Variants in SIAE observed in about 807,000 individuals in gnomAD.
SIAE encodes sialate O-acetylesterase.
A neutral mutation model predicts 52.6 loss-of-function variants in SIAE; 39 were observed. That is an observed-to-expected ratio of 0.74 (90% CI 0.57 to 0.97). SIAE has a LOEUF of 0.97. Ranked by LOEUF, SIAE falls within the 50% of genes least tolerant of loss-of-function variation. The pLI, the probability that SIAE is intolerant of heterozygous loss-of-function variation, is 0.00. For missense variants in SIAE, 592 were observed against 662.1 expected (o/e 0.89, Z 1.16); for synonymous variants, 233 against 241.4 (o/e 0.97, Z 0.32).
At chr11:124,656,033 T>C (rs1461898999) in intron 3 of SIAE, among the ~76,000 whole-genome samples, 2 of 152,182 alleles carry the variant, frequency 1.3e-5, no homozygotes, top group African/African-American at 4.8e-5. Flanking sequence ...CAAAATTACC[T>C]TCAGGCTATG....
chr11:124,673,984 C>G (rs1943420509), upstream of SIAE: 2 of 528,580 alleles, frequency 3.8e-6, no homozygotes, highest in Admixed American at 3.2e-5. Flanking sequence ...CTCTCCGATA[C>G]CAAGACCTAG....
At chr11:124,638,458 T>C (rs1942787397) in intron 9 of SIAE, 84 bp downstream of exon 9, 1 of 1,457,152 alleles carries the variant, frequency 6.9e-7, no homozygotes, top group Admixed American at 1.7e-5. Flanking sequence ...CACATCGTAA[T>C]AACAAAAGAG....
intron 7 of SIAE, among the ~76,000 whole-genome samples, chr11:124,644,600 C>T (rs1565409862): frequency 6.6e-6 from 1 of 152,192 alleles, no homozygotes; most frequent in East Asian, 1.9e-4. Flanking sequence ...CCCACAGTGG[C>T]TGGTAGAAAT....
chr11:124,660,714 T>C lies in SIAE; in HGVS notation c.319A>G (p.Asn107Asp). 2 of 1,614,200 alleles carry C rather than the reference T, an allele frequency of 1.2e-6. No individual in the cohort carries two copies. Among genetic ancestry groups the C allele is most frequent in the Non-Finnish European group, 1.7e-6 (2 of 1,180,036 alleles). ...ACGTCATGAACTCTCAGGGTGAAGT[T>C]TATTTTCTCCAAAGTCTGTTGTGCC... The part of the protein sequence containing the change: ...VMAQQTLEKI[N>D]FTLRVHDVLF... The change falls in exon 3 of 10, where the codon AAC becomes GAC. Residue 107 changes from asparagine to aspartate, a missense_variant. Transcript: ENST00000263593.
rs140868248 is a variant in SIAE at position 124,662,750 on chromosome 11, A to G, written c.230-1947T>C. On this transcript the variant is annotated intron_variant, in intron 2 of 9. Transcript: ENST00000263593. ...TTCCCAAGAACTGCCTCCCAGAGAAACCTCCTTCCAACTTCCTCAAAGACC... is the reference window on the plus strand; with the variant it reads ...TTCCCAAGAACTGCCTCCCAGAGAAGCCTCCTTCCAACTTCCTCAAAGACC... 4.8e-3 allele frequency among the ~76,000 whole-genome samples: 737 copies of G among 152,204 alleles called. 15 individuals carry two copies. Among genetic ancestry groups the G allele is most frequent in the Admixed American group, 0.041 (626 of 15,282 alleles).
rs568788636 is a variant in SIAE at position 124,644,595 on chromosome 11, A to G, written c.966+2770T>C. Among the ~76,000 whole-genome samples the G allele has an allele frequency of 5.3e-5, 8 of 152,332 alleles. No homozygotes were observed. The East Asian group carries it at 1.5e-3, about 29-fold the overall frequency. The stretch of plus-strand genomic sequence containing the variant: ...AGTGGGGCGCTAATCCGTCTCCCAC[A>G]GTGGCTGGTAGAAATACTGCGGCTA... On this transcript the variant is annotated intron_variant, in intron 7 of 9. Transcript: ENST00000263593.
In SIAE at chr11:124,634,323, A is replaced by T. The variant is rs1404687502; in HGVS notation, c.*2628T>A. On this transcript the variant is annotated 3_prime_UTR_variant, in exon 10 of 10. Coordinates refer to ENST00000263593, the MANE Select transcript of SIAE (RefSeq NM_170601.5). ...GCACTCCAGCCTGGGCAACAGAGCA[A>T]AACTCCAACTCAAAAACAAAAACAA... The T allele has an allele frequency of 1.3e-5, 2 of 152,252 alleles. No homozygotes were observed. Among genetic ancestry groups the T allele is most frequent in the Non-Finnish European group, 1.5e-5 (1 of 68,058 alleles). The allele number at this position is 152,252 out of a possible 1,614,324, so 9.4% of individuals were successfully genotyped here.
chr11:124,653,099 T>C (rs1256170383), intron 4 of SIAE, among the ~76,000 whole-genome samples: 1 of 152,214 alleles, frequency 6.6e-6, no homozygotes, highest in African/African-American at 2.4e-5. Context: ...ATTCAGTTCC[T>C]GAGCTCTTTT....
At chr11:124,675,134 CA>C (rs1436363422), upstream of SIAE, 7 of 1,181,804 alleles carry the variant, frequency 5.9e-6, no homozygotes, top group African/African-American at 1.5e-5. Context: ...AAAAAGAATT[CA>C]AGTCCAGATG....
intron 2 of SIAE, among the ~76,000 whole-genome samples, chr11:124,668,712 G>A (rs1943305909): frequency 6.6e-6 from 1 of 152,180 alleles, no homozygotes; most frequent in South Asian, 2.1e-4. Context: ...ATAAATGACA[G>A]AATCAGGGCC....
upstream of SIAE, chr11:124,675,539 T>A (rs1943451544): frequency 9.5e-7 from 1 of 1,048,852 alleles, no homozygotes; most frequent in South Asian, 1.7e-5. Context: ...GAGTTTCAGA[T>A]AACAGTTCTT....
At chr11:124,642,678 C>A in intron 7 of SIAE, among the ~76,000 whole-genome samples, 1 of 152,118 alleles carries the variant, frequency 6.6e-6, no homozygotes, top group Non-Finnish European at 1.5e-5. Context: ...TGATTCTAAC[C>A]AATAGGCTAT....
chr11:124,641,959 CAAAAAAAAA>C (rs11327177), intron 7 of SIAE, among the ~76,000 whole-genome samples: 1 of 39,218 alleles, frequency 2.5e-5, no homozygotes, highest in Admixed American at 2.5e-4. Flanking sequence ...GACTCCATCT[CAAAAAAAAA>C]AAAAAAAAAA....
intron 7 of SIAE, among the ~76,000 whole-genome samples, chr11:124,646,872 A>G (rs1942942976): frequency 6.6e-6 from 1 of 152,260 alleles, no homozygotes; most frequent in Non-Finnish European, 1.5e-5. Flanking sequence ...CAATGTAACC[A>G]TATTTCAGGC....
rs944764918 is a variant in SIAE, at chr11:124,645,312, T to A, written c.966+2053A>T. 6.6e-6 allele frequency among the ~76,000 whole-genome samples: 1 copy of A among 152,088 alleles called. No individual in the cohort carries two copies. The highest frequency in any genetic ancestry group is 1.5e-5 in the Non-Finnish European group (1 of 68,022). ...ACAAGAATCAGGTCTTTCTGATTGCTATATTTCTTTTTTTTTTTTGAGACG... is the reference window on the plus strand; with the variant it reads ...ACAAGAATCAGGTCTTTCTGATTGCAATATTTCTTTTTTTTTTTTGAGACG... On this transcript the variant is annotated intron_variant, in intron 7 of 9. Coordinates refer to ENST00000263593, the MANE Select transcript of SIAE (RefSeq NM_170601.5). This position sits in a 1 kb window ranked among gnomAD's most constrained non-coding sequence, Gnocchi z 4.7.
At chr11:124,675,408 G>C (rs751097290), upstream of SIAE, 1 of 1,608,532 alleles carries the variant, frequency 6.2e-7, no homozygotes, top group Non-Finnish European at 8.5e-7. Flanking sequence ...GCCTTCTAGA[G>C]AAAAGAGAGA....
At chr11:124,639,598 C>T (rs1275021074) in intron 8 of SIAE, 112 bp downstream of exon 8, 11 of 1,366,210 alleles carry the variant, frequency 8.1e-6, no homozygotes, top group South Asian at 7.0e-5. Flanking sequence ...CCCCAGCATA[C>T]GTGACTCTTA....
intron 8 of SIAE, 109 bp downstream of exon 8, chr11:124,639,601 G>A (rs1443688508): frequency 2.1e-6 from 3 of 1,399,454 alleles, no homozygotes; most frequent in African/African-American, 3.0e-5. Context: ...CAGCATACGT[G>A]ACTCTTAAGT....
At chr11:124,666,215 AC>A (rs1943271875) in intron 2 of SIAE, among the ~76,000 whole-genome samples, 1 of 152,210 alleles carries the variant, frequency 6.6e-6, no homozygotes, top group Non-Finnish European at 1.5e-5. Context: ...TGTTCTGGGT[AC>A]CTAGGGGACT....
Sources: gnomAD v4.1 joint callset for allele counts (sites outside exome capture counted in the v4.1 genomes callset) on GRCh38, gnomAD v4.1.1 for gene constraint, Gnocchi (gnomAD v3.1) non-coding constraint, MANE v1.5 for transcripts, NCBI Gene and HGNC (gene_info 2026-07-23, HGNC 2026-07-21) for gene names.